The following SLC39A8 variants were observed in gnomAD, a reference collection of about 807,000 sequenced individuals.
SLC39A8 encodes the protein solute carrier family 39 member 8.
A neutral mutation model predicts 40.4 loss-of-function variants in SLC39A8; 15 were observed. That is an observed-to-expected ratio of 0.37 (90% CI 0.25 to 0.57). The LOEUF (loss-of-function observed/expected upper bound fraction) is 0.57. Among genes scored for constraint, SLC39A8 ranks in the 20% least tolerant of loss-of-function variants. SLC39A8 has a pLI of 0.75. For synonymous variants in SLC39A8, 223 were observed against 221.6 expected, an observed-to-expected ratio of 1.01 and a Z score of -0.06; for missense variants, 472 against 558.8, an observed-to-expected ratio of 0.84 and a Z score of 1.57.
At chr4:102,324,962 C>T (rs536747224) in intron 2 of SLC39A8, among the ~76,000 whole-genome samples, 2 of 152,058 alleles carry the variant, frequency 1.3e-5, no homozygotes, top group South Asian at 2.1e-4. Context: ...ATTCAAAGCA[C>T]GAGTGACTGA....
rs974487 is a variant in SLC39A8 at position 102,302,130 on chromosome 4, T to G, written c.840+2187A>C. ...ATCCCAGGGGAGAACTTGTTCAAGGTTGGACCAGGTTCAAAGCTCCTTCTC... is the reference window on the plus strand; with the variant it reads ...ATCCCAGGGGAGAACTTGTTCAAGGGTGGACCAGGTTCAAAGCTCCTTCTC... On this transcript the variant is annotated intron_variant, in intron 6 of 8. Coordinates refer to ENST00000356736, the MANE Select transcript of SLC39A8 (RefSeq NM_001135146.2). Among the ~76,000 whole-genome samples, 568 of 152,098 alleles carry G rather than the reference T, an allele frequency of 3.7e-3. 15 individuals are homozygous for G. Among genetic ancestry groups the G allele is most frequent in the Admixed American group, 0.033 (509 of 15,246 alleles).
chr4:102,265,536 A>T (rs780824329), intron 8 of SLC39A8, among the ~76,000 whole-genome samples: 3 of 152,246 alleles, frequency 2.0e-5, no homozygotes, highest in Non-Finnish European at 2.9e-5. Context: ...CTATTCAAAA[A>T]ATGGCACTGA....
intron 2 of SLC39A8, among the ~76,000 whole-genome samples, chr4:102,343,182 T>C (rs1405472237): frequency 1.3e-5 from 2 of 152,176 alleles, no homozygotes; most frequent in Admixed American, 1.3e-4. Context: ...AAAACCCTTC[T>C]AGATCAAAGA....
At chr4:102,327,350 G>A (rs1483991746) in intron 2 of SLC39A8, among the ~76,000 whole-genome samples, 1 of 152,042 alleles carries the variant, frequency 6.6e-6, no homozygotes, top group East Asian at 1.9e-4. Context: ...TCCCCCTTCA[G>A]CATGCTGTAA....
intron 2 of SLC39A8, among the ~76,000 whole-genome samples, chr4:102,341,380 G>A (rs1216806163): frequency 6.6e-6 from 1 of 152,138 alleles, no homozygotes; most frequent in Non-Finnish European, 1.5e-5. Context: ...AGGAAATGAG[G>A]AAAAGGAACA....
intron 6 of SLC39A8, among the ~76,000 whole-genome samples, chr4:102,272,597 GATAA>G (rs749220300): frequency 2.0e-5 from 3 of 151,986 alleles, no homozygotes; most frequent in Non-Finnish European, 2.9e-5. Flanking sequence ...TAAATAAACA[GATAA>G]ATAAAGTAAT....
downstream of SLC39A8, chr4:102,261,549 G>C: frequency 2.6e-6 from 1 of 382,144 alleles, no homozygotes; most frequent in South Asian, 1.1e-4. Context: ...CCATGGCGGG[G>C]TTAGATTTAC....
At chr4:102,260,357 T>A (rs966825498), downstream of SLC39A8, among the ~76,000 whole-genome samples, 1 of 152,246 alleles carries the variant, frequency 6.6e-6, no homozygotes, top group African/African-American at 2.4e-5. Flanking sequence ...CTCCTGAAGA[T>A]TGGTATGGCC....
At chr4:102,344,989 G>T (rs1736114379) in intron 1 of SLC39A8, 74 bp from the exon 2 acceptor site, 3 of 990,228 alleles carry the variant, frequency 3.0e-6, no homozygotes, top group Non-Finnish European at 3.8e-6. Flanking sequence ...CAGAAACGCT[G>T]CGTGGCAGTA....
chr4:102,307,020 T>G (rs993032996), intron 4 of SLC39A8, among the ~76,000 whole-genome samples: 5 of 152,060 alleles, frequency 3.3e-5, no homozygotes, highest in African/African-American at 1.2e-4. Flanking sequence ...ATGAGGGAAT[T>G]TAGTGGTATA....
At chr4:102,340,691 G>A (rs774868573) in intron 2 of SLC39A8, among the ~76,000 whole-genome samples, 25 of 152,184 alleles carry the variant, frequency 1.6e-4, no homozygotes, top group Non-Finnish European at 3.4e-4. Context: ...TCAAATTAGA[G>A]TGCAGCAGTC....
chr4:102,281,488 A>T lies in SLC39A8; in HGVS notation c.841-13409T>A, dbSNP rs754483257. Among the ~76,000 whole-genome samples the T allele has an allele frequency of 4.6e-5, 7 of 152,282 alleles. 1 individual carries two copies. Among genetic ancestry groups the T allele is most frequent in the Admixed American group, 2.6e-4 (4 of 15,286 alleles). On this transcript the variant is annotated intron_variant, in intron 6 of 8. Coordinates refer to ENST00000356736, the MANE Select transcript of SLC39A8 (RefSeq NM_001135146.2). The stretch of plus-strand genomic sequence containing the variant: ...GTGACTCACCTGCAAAAAAAGAGAG[A>T]CTGCTTTCTGTGGCAGAGAAGATCT...
intron 6 of SLC39A8, among the ~76,000 whole-genome samples, chr4:102,303,586 G>C (rs1734007982): frequency 6.6e-6 from 1 of 151,888 alleles, no homozygotes; most frequent in African/African-American, 2.4e-5. Context: ...GAAAGAGAAG[G>C]AGGGAGAGTC....
chr4:102,303,082 A>AT (rs557507407), intron 6 of SLC39A8, among the ~76,000 whole-genome samples: 106 of 151,072 alleles, frequency 7.0e-4, no homozygotes, highest in Admixed American at 2.4e-3. Flanking sequence ...AGATTGCTCT[A>AT]TTTTTTTTGC....
At chr4:102,300,527 T>C (rs1228261837) in intron 6 of SLC39A8, among the ~76,000 whole-genome samples, 1 of 152,024 alleles carries the variant, frequency 6.6e-6, no homozygotes, top group East Asian at 1.9e-4. Context: ...AGATCAAAAA[T>C]TATGCTTTTA....
chr4:102,298,793 A>AG (rs59527235), intron 6 of SLC39A8, among the ~76,000 whole-genome samples: 1 of 151,454 alleles, frequency 6.6e-6, no homozygotes, highest in Non-Finnish European at 1.5e-5. Context: ...CTGACTTCAC[A>AG]AAGAAAGTCA....
intron 3 of SLC39A8, among the ~76,000 whole-genome samples, chr4:102,314,793 C>T (rs556464274): frequency 2.1e-4 from 32 of 152,222 alleles, no homozygotes; most frequent in African/African-American, 7.5e-4. Flanking sequence ...CTTCATAGCA[C>T]CTTTCACTCT....
chr4:102,259,178 A>G (rs896119189), downstream of SLC39A8, among the ~76,000 whole-genome samples: 12 of 152,246 alleles, frequency 7.9e-5, no homozygotes, highest in Non-Finnish European at 1.5e-5. Flanking sequence ...GAGAGAGGGA[A>G]GAATTTCCCA....
chr4:102,259,362 A>G, downstream of SLC39A8: 1 of 850,726 alleles, frequency 1.2e-6, no homozygotes, highest in Non-Finnish European at 1.9e-6. Flanking sequence ...TTGTGGGAAT[A>G]ACATGCACAG....
Sources: allele counts gnomAD v4.1 joint callset (sites outside exome capture counted in the v4.1 genomes callset), GRCh38; gene constraint gnomAD v4.1.1; transcripts MANE v1.5; gene names NCBI Gene and HGNC (gene_info 2026-07-23, HGNC 2026-07-21).